The following BBS9 variants were observed in gnomAD, a reference collection of about 807,000 sequenced individuals.
BBS9 encodes Bardet-Biedl syndrome 9.
Under a neutral mutation model 117.7 loss-of-function variants are expected in BBS9, and 89 were observed. The observed-to-expected ratio is 0.76, with a 90% CI of 0.64 to 0.90. The LOEUF is 0.90. Ranked by LOEUF, BBS9 falls within the 40% of genes least tolerant of loss-of-function variation. The pLI is 0.00. For synonymous variants in BBS9, 379 were observed against 370.9 expected (o/e 1.02, Z -0.25); for missense variants, 982 against 1,042.2 (o/e 0.94, Z 0.80).
In BBS9 at chr7:33,623,281, G is replaced by GAA. The variant is rs545845233; in HGVS notation, c.2522-11887_2522-11886dup. Reference sequence around the variant, plus strand: ...ATAAACAATTAATATGCTAAAATTGGAAAAAAAAAACCTAATCTCATTAGT... The same window carrying GAA: ...ATAAACAATTAATATGCTAAAATTGGAAAAAAAAAAAACCTAATCTCATTAGT... On this transcript the variant is annotated intron_variant, in intron 21 of 21. Transcript: ENST00000671952. 2.3e-3 allele frequency among the ~76,000 whole-genome samples: 341 copies of GAA among 145,804 alleles called. 2 individuals are homozygous for GAA. Among genetic ancestry groups the GAA allele is most frequent in the African/African-American group, 8.0e-3 (321 of 39,964 alleles).
Position 33,260,032 on chromosome 7 carries a change from C to CTCTG in BBS9, c.617+2625_617+2628dup, listed in dbSNP as rs1797716299. Among the ~76,000 whole-genome samples the CTCTG allele has an allele frequency of 7.8e-5, 11 of 140,298 alleles. 1 individual carries two copies. The South Asian group carries it at 2.4e-3, about 30-fold the overall frequency. The allele number at this position is 140,298 out of a possible 152,430, so 92.0% of individuals were successfully genotyped here. On this transcript the variant is annotated intron_variant, in intron 6 of 22. Transcript: ENST00000242067. ...TTTTTTTTTTTGAGACTGAGTCTTG[C>CTCTG]TCTGTCGCCCAGGCTGGAGTGCAGT... is the stretch of plus-strand genomic sequence containing the variant.
chr7:33,451,114 T>C (rs1288258297), intron 19 of BBS9, among the ~76,000 whole-genome samples: 1 of 152,078 alleles, frequency 6.6e-6, no homozygotes, highest in African/African-American at 2.4e-5. Context: ...GGTCTCGATC[T>C]CCTGACCTCG....
intron 16 of BBS9, among the ~76,000 whole-genome samples, chr7:33,361,876 T>C (rs1820685966): frequency 6.6e-6 from 1 of 152,158 alleles, no homozygotes; most frequent in East Asian, 1.9e-4. Flanking sequence ...ATTTTTGTGC[T>C]TTTAAAAAAG....
At chr7:33,406,595 G>T (rs1291329468) in intron 19 of BBS9, among the ~76,000 whole-genome samples, 1 of 152,088 alleles carries the variant, frequency 6.6e-6, no homozygotes, top group Non-Finnish European at 1.5e-5. Flanking sequence ...TCCATGTTTA[G>T]TGCTTCCTTC....
At chr7:33,588,955 T>G (rs13229765) in intron 21 of BBS9, among the ~76,000 whole-genome samples, 37,525 of 152,072 alleles carry the variant, frequency 0.25, 6,544 homozygotes, top group African/African-American at 0.48. Flanking sequence ...ATTTGCTCAT[T>G]TGCTTTTCCT....
chr7:33,430,947 G>T (rs550489917), intron 19 of BBS9, among the ~76,000 whole-genome samples: 1 of 152,092 alleles, frequency 6.6e-6, no homozygotes, highest in African/African-American at 2.4e-5. Context: ...TCAGCATTTT[G>T]GGAGGCTGAG....
chr7:33,174,878 G>A (rs113392003), intron 4 of BBS9, among the ~76,000 whole-genome samples: 44 of 152,324 alleles, frequency 2.9e-4, no homozygotes, highest in African/African-American at 9.1e-4. Context: ...TGGTTTGGTT[G>A]TGATTCCTCC....
chr7:33,581,679 G>T (rs1231306526), intron 21 of BBS9, among the ~76,000 whole-genome samples: 1 of 152,110 alleles, frequency 6.6e-6, no homozygotes, highest in South Asian at 2.1e-4. Context: ...AGCCTTGCTG[G>T]TTCCAGAATG....
intron 21 of BBS9, among the ~76,000 whole-genome samples, chr7:33,614,609 G>A (rs1217725066): frequency 3.3e-5 from 5 of 152,018 alleles, no homozygotes; most frequent in Non-Finnish European, 1.5e-5. Context: ...AGAAACCCAT[G>A]AGCAGAAACC....
At chr7:33,289,212 A>G (rs768713843) in intron 9 of BBS9, among the ~76,000 whole-genome samples, 2 of 152,196 alleles carry the variant, frequency 1.3e-5, no homozygotes, top group Non-Finnish European at 2.9e-5. Context: ...AGCCTAAAAC[A>G]AAAGTTATTA....
chr7:33,209,936 TG>T (rs1370866035), intron 5 of BBS9, among the ~76,000 whole-genome samples: 1 of 152,144 alleles, frequency 6.6e-6, no homozygotes, highest in Non-Finnish European at 1.5e-5. Context: ...TACTGATTTT[TG>T]GTTTGGTTTG....
intron 21 of BBS9, among the ~76,000 whole-genome samples, chr7:33,632,605 C>A (rs768863812): frequency 2.6e-5 from 4 of 152,100 alleles, no homozygotes; most frequent in Non-Finnish European, 5.9e-5. Flanking sequence ...CCAGAATGAC[C>A]CATTCGGGCT....
At chr7:33,352,448 G>A (rs1407054728) in intron 14 of BBS9, among the ~76,000 whole-genome samples, 6 of 152,126 alleles carry the variant, frequency 3.9e-5, no homozygotes, top group Admixed American at 3.9e-4. Context: ...TTATAAAAAA[G>A]AGGAACTGGA....
At chr7:33,208,026 C>G (rs1158998344) in intron 5 of BBS9, among the ~76,000 whole-genome samples, 1 of 152,094 alleles carries the variant, frequency 6.6e-6, no homozygotes, top group Non-Finnish European at 1.5e-5. Flanking sequence ...CCAGGCTGGT[C>G]TTGAACTCCT....
intron 19 of BBS9, among the ~76,000 whole-genome samples, chr7:33,408,221 G>T (rs1439584092): frequency 6.6e-6 from 1 of 152,222 alleles, no homozygotes; most frequent in Admixed American, 6.5e-5. Context: ...GAGACTCCAT[G>T]GGTGTAGGAC....
At chr7:33,597,048 A>ATC (rs148549968) in intron 21 of BBS9, among the ~76,000 whole-genome samples, 5,282 of 139,898 alleles carry the variant, frequency 0.038, 118 homozygotes, top group South Asian at 0.058. Context: ...TATATGAATC[A>ATC]TCTCTCTCTC....
intron 17 of BBS9, among the ~76,000 whole-genome samples, chr7:33,373,043 A>G (rs1823150813): frequency 6.6e-6 from 1 of 151,534 alleles, no homozygotes; most frequent in Admixed American, 6.6e-5. Context: ...TTTTAGTCCA[A>G]AGGTTTGTTC....
At chr7:33,208,085 A>G (rs1243527500) in intron 5 of BBS9, among the ~76,000 whole-genome samples, 4 of 152,204 alleles carry the variant, frequency 2.6e-5, no homozygotes, top group Admixed American at 2.6e-4. Flanking sequence ...CTGGGATTAC[A>G]GTTGTGAGCC....
chr7:33,252,009 A>G (rs1219363259), intron 5 of BBS9, among the ~76,000 whole-genome samples: 1 of 152,150 alleles, frequency 6.6e-6, no homozygotes, highest in Non-Finnish European at 1.5e-5. Context: ...GCTGTACAGG[A>G]AGCATGATGC....
Sources: gnomAD v4.1 joint callset for allele counts (sites outside exome capture counted in the v4.1 genomes callset) on GRCh38, gnomAD v4.1.1 for gene constraint, MANE v1.5 for transcripts, NCBI Gene and HGNC (gene_info 2026-07-23, HGNC 2026-07-21) for gene names.